USP32: variants seen among roughly 807,000 people sequenced by gnomAD.
USP32 encodes ubiquitin carboxyl-terminal hydrolase 32.
USP32 carries 59 observed loss-of-function variants against 204.8 expected under a neutral mutation model. That is an observed-to-expected ratio of 0.29 (90% CI 0.23 to 0.36). The LOEUF is 0.36. Ranked by LOEUF, USP32 falls within the 10% of genes least tolerant of loss-of-function variation. The probability of loss-of-function intolerance (pLI) is 1.00; values close to 1 mark genes in which losing one functional copy is unlikely to be tolerated. For missense variants in USP32, 1,160 were observed against 1,946.4 expected (o/e 0.60, Z 7.60); for synonymous variants, 517 against 678.4 (o/e 0.76, Z 3.70).
intron 12 of USP32, among the ~76,000 whole-genome samples, chr17:60,227,582 CTT>C (rs111424514): frequency 2.4e-4 from 34 of 139,590 alleles, no homozygotes; most frequent in Admixed American, 5.8e-4. Context: ...TTTTTCTTTT[CTT>C]TTTTTTTTTT....
intron 28 of USP32, among the ~76,000 whole-genome samples, chr17:60,192,575 C>T (rs936741450): frequency 6.6e-6 from 1 of 152,112 alleles, no homozygotes; most frequent in African/African-American, 2.4e-5. Flanking sequence ...GCTGGGATTA[C>T]AGGCACGCAT....
chr17:60,356,913 T>C (rs2089092657), intron 1 of USP32, among the ~76,000 whole-genome samples: 1 of 151,948 alleles, frequency 6.6e-6, no homozygotes, highest in Admixed American at 6.5e-5. Context: ...ACATGCCTAA[T>C]GACTTCAAGT....
intron 1 of USP32, among the ~76,000 whole-genome samples, chr17:60,408,186 A>G (rs2089993429): frequency 1.3e-5 from 2 of 152,160 alleles, no homozygotes; most frequent in Admixed American, 1.3e-4. Context: ...AGGGGGGAAA[A>G]ATCAGGTGAC....
At chr17:60,180,175 G>A (rs1214700546) in intron 33 of USP32, among the ~76,000 whole-genome samples, 6 of 152,010 alleles carry the variant, frequency 3.9e-5, no homozygotes, top group African/African-American at 9.7e-5. Context: ...AGAGGCACGC[G>A]CCAACACGCC....
At chr17:60,285,570 C>T (rs1406971176) in intron 5 of USP32, among the ~76,000 whole-genome samples, 3 of 151,914 alleles carry the variant, frequency 2.0e-5, no homozygotes, top group Non-Finnish European at 4.4e-5. Context: ...CCCCCTCTGC[C>T]GGAAAGGATC....
At chr17:60,301,502 G>T in intron 3 of USP32, 97 bp downstream of exon 3, 1 of 700,852 alleles carries the variant, frequency 1.4e-6, no homozygotes, top group Non-Finnish European at 2.2e-6. Context: ...TCTTCTTTGG[G>T]AAAATGTCAA....
intron 26 of USP32, among the ~76,000 whole-genome samples, chr17:60,199,465 T>C (rs1410813506): frequency 6.6e-6 from 1 of 152,206 alleles, no homozygotes; most frequent in Admixed American, 6.5e-5. Flanking sequence ...AAACATTTAG[T>C]ATAATGGAAT....
intron 3 of USP32, among the ~76,000 whole-genome samples, chr17:60,296,504 C>T (rs2087433582): frequency 6.6e-6 from 1 of 152,168 alleles, no homozygotes; most frequent in South Asian, 2.1e-4. Flanking sequence ...GAATTTTCCC[C>T]TACAGGTTTC....
chr17:60,208,536 A>G, intron 23 of USP32, 118 bp downstream of exon 23: 1 of 1,363,574 alleles, frequency 7.3e-7, no homozygotes, highest in South Asian at 2.0e-5. Context: ...TTGCTCAATT[A>G]TAATATGCTG....
intron 11 of USP32, among the ~76,000 whole-genome samples, chr17:60,241,182 A>G (rs1312303246): frequency 6.6e-6 from 1 of 152,058 alleles, no homozygotes; most frequent in Non-Finnish European, 1.5e-5. Context: ...TATTTTTAGT[A>G]CAGACGGGGT....
intron 11 of USP32, among the ~76,000 whole-genome samples, chr17:60,242,712 T>A (rs1381987192): frequency 6.6e-6 from 1 of 152,166 alleles, no homozygotes; most frequent in African/African-American, 2.4e-5. Context: ...TGGCCAAGGG[T>A]TTCCTTTTAA....
At chr17:60,224,060 C>T (rs752936772) in intron 13 of USP32, among the ~76,000 whole-genome samples, 1 of 152,186 alleles carries the variant, frequency 6.6e-6, no homozygotes, top group Non-Finnish European at 1.5e-5. Flanking sequence ...TCTATGAACT[C>T]AATGTCCACA....
In USP32 at chr17:60,192,947, CA is replaced by C. The variant is rs368829294; in HGVS notation, c.3435-18del. On this transcript the variant is annotated intron_variant, in intron 27 of 33. Transcript: ENST00000300896. Reference sequence around the variant, plus strand: ...CTGTCGTCACTGAAACAGAAGAGAACAAAAAGAGTGTAAGAAGCATTTCTGG... The same window carrying C: ...CTGTCGTCACTGAAACAGAAGAGAACAAAAGAGTGTAAGAAGCATTTCTGG... The C allele has an allele frequency of 2.4e-4, 386 of 1,612,454 alleles. 1 individual carries two copies. The African/African-American group carries it at 4.5e-3, about 19-fold the overall frequency.
intron 1 of USP32, among the ~76,000 whole-genome samples, chr17:60,348,705 C>T (rs2088850109): frequency 6.6e-6 from 1 of 151,792 alleles, no homozygotes; most frequent in Admixed American, 6.6e-5. Flanking sequence ...GAAGTCAAGG[C>T]TGCAGTGGGC....
intron 26 of USP32, 45 bp downstream of exon 26, chr17:60,205,402 T>C: frequency 1.9e-6 from 3 of 1,588,488 alleles, no homozygotes; most frequent in African/African-American, 1.4e-5. Flanking sequence ...ATTTCACAAA[T>C]GACACTAGCA....
rs776091460 is a variant in USP32 at position 60,252,365 on chromosome 17, G to T, written c.1136+16C>A. The T allele has an allele frequency of 6.2e-7, 1 of 1,600,078 alleles. No individual in the cohort carries two copies. Among genetic ancestry groups the T allele is most frequent in the South Asian group, 1.1e-5 (1 of 89,254 alleles). On this transcript the variant is annotated intron_variant, in intron 11 of 33. Coordinates refer to ENST00000300896, the MANE Select transcript of USP32 (RefSeq NM_032582.4). ...TATGTGAAATTTCAACTATATAATT[G>T]AAACTACAAATTTACCTAATAATTT...
At chr17:60,258,262 A>G (rs1331428443) in intron 9 of USP32, 2 of 169,732 alleles carry the variant, frequency 1.2e-5, no homozygotes, top group Non-Finnish European at 2.9e-5. Context: ...ATAAAAAACA[A>G]TTTGGAAGCA....
At chr17:60,269,657 C>T (rs980682068) in intron 6 of USP32, 100 bp from the exon 7 acceptor site, 1 of 984,512 alleles carries the variant, frequency 1.0e-6, no homozygotes, top group African/African-American at 1.7e-5. Flanking sequence ...CATAAACTGA[C>T]TGAATTTTTT....
At chr17:60,399,128 TAAGA>T (rs1381673458) in intron 1 of USP32, among the ~76,000 whole-genome samples, 1 of 152,040 alleles carries the variant, frequency 6.6e-6, no homozygotes, top group Non-Finnish European at 1.5e-5. Flanking sequence ...GAAAGATAAA[TAAGA>T]AAGCAGACAT....
Sources: allele counts gnomAD v4.1 joint callset (sites outside exome capture counted in the v4.1 genomes callset), GRCh38; gene constraint gnomAD v4.1.1; transcripts MANE v1.5; gene names NCBI Gene and HGNC (gene_info 2026-07-23, HGNC 2026-07-21).